The following BMP2K variants were observed in gnomAD, a reference collection of about 807,000 sequenced individuals.
BMP2K encodes BMP-2-inducible protein kinase.
Under a neutral mutation model 116.0 loss-of-function variants are expected in BMP2K, and 74 were observed. The observed-to-expected ratio is 0.64, with a 90% CI of 0.53 to 0.77. BMP2K has a LOEUF of 0.77. Ranked by LOEUF, BMP2K falls within the 30% of genes least tolerant of loss-of-function variation. The pLI, the probability that BMP2K is intolerant of heterozygous loss-of-function variation, is 0.00. For missense variants in BMP2K, 1,365 were observed against 1,403.6 expected (o/e 0.97, Z 0.44); for synonymous variants, 486 against 502.5 (o/e 0.97, Z 0.44).
At chr4:78,776,812 T>A in intron 1 of BMP2K, 91 bp downstream of exon 1, 1 of 1,109,214 alleles carries the variant, frequency 9.0e-7, no homozygotes, top group South Asian at 4.4e-5. Flanking sequence ...CCGGACTGAC[T>A]CTTATACCCC....
At chr4:78,859,987 C>G (rs771975714) in intron 8 of BMP2K, 2 of 540,024 alleles carry the variant, frequency 3.7e-6, no homozygotes, top group Admixed American at 4.6e-5. Flanking sequence ...GTTATTTGGG[C>G]CTAACAGTTT....
At chr4:78,909,819 GTT>G (rs1734486849) in intron 15 of BMP2K, among the ~76,000 whole-genome samples, 1 of 152,148 alleles carries the variant, frequency 6.6e-6, no homozygotes, top group African/African-American at 2.4e-5. Flanking sequence ...CAGAAACCAT[GTT>G]TCTTTTACTC....
intron 1 of BMP2K, among the ~76,000 whole-genome samples, chr4:78,808,153 C>G (rs988026378): frequency 2.0e-5 from 3 of 151,948 alleles, no homozygotes; most frequent in Admixed American, 2.0e-4. Context: ...CTCCTGGGTT[C>G]AAGCCATTCT....
chr4:78,900,443 T>C (rs1223203975), intron 15 of BMP2K, among the ~76,000 whole-genome samples: 1 of 152,128 alleles, frequency 6.6e-6, no homozygotes, highest in East Asian at 1.9e-4. Flanking sequence ...GGAGAAGGAA[T>C]AAACAGTATT....
chr4:78,834,100 A>C (rs1730340181), intron 3 of BMP2K, among the ~76,000 whole-genome samples: 1 of 151,778 alleles, frequency 6.6e-6, no homozygotes, highest in Non-Finnish European at 1.5e-5. Flanking sequence ...TGATCTATAG[A>C]CTTTATAAAC....
intron 15 of BMP2K, among the ~76,000 whole-genome samples, chr4:78,895,403 T>C (rs576623236): frequency 1.8e-3 from 279 of 152,350 alleles, no homozygotes; most frequent in African/African-American, 6.5e-3. Flanking sequence ...CCACATAGTT[T>C]ATAATTTTTC....
At chr4:78,788,090 A>G (rs114568728) in intron 1 of BMP2K, among the ~76,000 whole-genome samples, 2 of 151,612 alleles carry the variant, frequency 1.3e-5, no homozygotes, top group African/African-American at 4.8e-5. Flanking sequence ...CTATTTTTCT[A>G]GGGAGTGGGA....
At chr4:78,866,352 T>C (rs1484993774) in intron 10 of BMP2K, among the ~76,000 whole-genome samples, 1 of 152,208 alleles carries the variant, frequency 6.6e-6, no homozygotes, top group East Asian at 1.9e-4. Flanking sequence ...TTTTGCACTT[T>C]ATTTCATGAT....
At chr4:78,811,554 G>A (rs1052065661) in intron 1 of BMP2K, among the ~76,000 whole-genome samples, 1 of 152,152 alleles carries the variant, frequency 6.6e-6, no homozygotes, top group African/African-American at 2.4e-5. Context: ...AACATAATAG[G>A]AGCTTCTCCC....
Position 78,850,994 on chromosome 4 carries a change from G to A in BMP2K, c.821G>A (p.Cys274Tyr). The A allele has an allele frequency of 6.2e-7, 1 of 1,611,942 alleles. No individual in the cohort carries two copies. The highest frequency in any genetic ancestry group is 1.1e-5 in the South Asian group (1 of 91,000). Residue 274 changes from cysteine (C) to tyrosine (Y), a missense_variant, in exon 7 of 16, where the codon TGT becomes TAT. Cys to Tyr is a radical substitution (Grantham distance 194). Coordinates refer to ENST00000502613, the MANE Select transcript of BMP2K (RefSeq NM_198892.2). ...LPFGESQVAI[C>Y]DGNFTIPDNS... is the part of the protein sequence containing the mutation. ...TTTGGTGAGAGTCAGGTTGCTATCT[G>A]TGATGGCAACTTCACCATCCCAGAC... is the stretch of plus-strand genomic sequence containing the variant.
chr4:78,804,650 T>C (rs148211571), intron 1 of BMP2K, among the ~76,000 whole-genome samples: 416 of 152,208 alleles, frequency 2.7e-3, no homozygotes, highest in African/African-American at 9.7e-3. Flanking sequence ...CTCATTATGG[T>C]TTTGATTCAT....
chr4:78,804,758 T>G (rs972073678), intron 1 of BMP2K, among the ~76,000 whole-genome samples: 1 of 151,888 alleles, frequency 6.6e-6, no homozygotes, highest in Non-Finnish European at 1.5e-5. Context: ...CTATTCTGCT[T>G]TTTGTAAAAT....
intron 6 of BMP2K, among the ~76,000 whole-genome samples, 184 bp from the exon 7 acceptor site, chr4:78,850,740 A>T (rs888506541): frequency 6.6e-6 from 1 of 152,000 alleles, no homozygotes; most frequent in Non-Finnish European, 1.5e-5. Flanking sequence ...ATAGAAGATC[A>T]TGGAAATGAT....
intron 6 of BMP2K, 84 bp downstream of exon 6, chr4:78,847,353 A>G: frequency 2.1e-6 from 2 of 936,356 alleles, no homozygotes; most frequent in Non-Finnish European, 3.0e-6. Context: ...TGCTCCCCAA[A>G]AGGCATTTCC....
chr4:78,814,768 CA>C (rs371553874), intron 1 of BMP2K, among the ~76,000 whole-genome samples: 6 of 149,520 alleles, frequency 4.0e-5, no homozygotes, highest in South Asian at 2.1e-4. Flanking sequence ...TTGTCAAGGG[CA>C]AAAAAAAATT....
At chr4:78,864,927 G>GT (rs1731969972) in intron 9 of BMP2K, among the ~76,000 whole-genome samples, 1 of 152,016 alleles carries the variant, frequency 6.6e-6, no homozygotes. Context: ...ATTGTTTCTT[G>GT]ATTTCAAAAC....
At chr4:78,787,687 G>A (rs964134442) in intron 1 of BMP2K, among the ~76,000 whole-genome samples, 1 of 152,094 alleles carries the variant, frequency 6.6e-6, no homozygotes, top group Admixed American at 6.6e-5. Context: ...GGAAACAAAT[G>A]AGCATTAACT....
intron 7 of BMP2K, among the ~76,000 whole-genome samples, chr4:78,853,160 C>A (rs3775514): frequency 0.17 from 25,531 of 151,988 alleles, 4,316 homozygotes; most frequent in African/African-American, 0.44. Flanking sequence ...ACATCGTTTT[C>A]GTATTAGTTC....
intron 15 of BMP2K, among the ~76,000 whole-genome samples, chr4:78,891,677 G>A (rs1053528040): frequency 9.2e-5 from 14 of 152,222 alleles, no homozygotes; most frequent in Admixed American, 9.2e-4. Context: ...TAATTTGTCT[G>A]AGGATACTTT....
Sources: allele counts gnomAD v4.1 joint callset (sites outside exome capture counted in the v4.1 genomes callset), GRCh38; gene constraint gnomAD v4.1.1; transcripts MANE v1.5; gene names NCBI Gene and HGNC (gene_info 2026-07-23, HGNC 2026-07-21).